Variants in BNC2 observed in about 807,000 individuals in gnomAD.
BNC2 encodes basonuclin zinc finger protein 2, also known as zinc finger protein basonuclin-2.
A neutral mutation model predicts 76.3 loss-of-function variants in BNC2; 20 were observed. That is an observed-to-expected ratio of 0.26 (90% CI 0.18 to 0.38). BNC2 has a LOEUF of 0.38. Among genes scored for constraint, BNC2 ranks in the 10% least tolerant of loss-of-function variants. The pLI is 1.00. For missense variants in BNC2, 1,382 were observed against 1,399.8 expected, an observed-to-expected ratio of 0.99 and a Z score of 0.20; for synonymous variants, 582 against 514.8, an observed-to-expected ratio of 1.13 and a Z score of -1.77.
At chr9:16,703,700 T>C (rs1385088813) in intron 3 of BNC2, among the ~76,000 whole-genome samples, 1 of 152,186 alleles carries the variant, frequency 6.6e-6, no homozygotes, top group South Asian at 2.1e-4. Context: ...ATCATTGTTT[T>C]ATAAGATATA....
At chr9:16,593,338 T>A (rs1819983952) in intron 3 of BNC2, among the ~76,000 whole-genome samples, 1 of 152,082 alleles carries the variant, frequency 6.6e-6, no homozygotes, top group Non-Finnish European at 1.5e-5. Flanking sequence ...GCATATAAAT[T>A]TTCCCAGACA....
chr9:16,839,571 C>T (rs915170403), intron 1 of BNC2, among the ~76,000 whole-genome samples: 3 of 152,088 alleles, frequency 2.0e-5, no homozygotes, highest in African/African-American at 4.8e-5. Context: ...AGAAGAGAAC[C>T]CCATGCAAGT....
chr9:16,765,882 G>C (rs897929947), intron 1 of BNC2, among the ~76,000 whole-genome samples: 2 of 151,906 alleles, frequency 1.3e-5, no homozygotes, highest in Non-Finnish European at 2.9e-5. Context: ...TGCCTCCCGG[G>C]TTCACGCCAT....
intron 5 of BNC2, among the ~76,000 whole-genome samples, chr9:16,540,442 C>T (rs370204750): frequency 2.6e-5 from 4 of 152,032 alleles, no homozygotes; most frequent in African/African-American, 9.7e-5. Flanking sequence ...TACGTCAATA[C>T]GCATATTACA....
At chr9:16,435,385 G>A (rs897589295) in intron 6 of BNC2, among the ~76,000 whole-genome samples, 170 bp downstream of exon 6, 31 of 152,088 alleles carry the variant, frequency 2.0e-4, no homozygotes, top group Admixed American at 9.8e-4. Context: ...AGCACCAACT[G>A]CAACAATCCT....
intron 5 of BNC2, among the ~76,000 whole-genome samples, chr9:16,517,822 G>A (rs1184467070): frequency 6.6e-6 from 1 of 152,000 alleles, no homozygotes; most frequent in Admixed American, 6.6e-5. Context: ...CTAAAGCAGG[G>A]TGGACAAGTC....
chr9:16,758,215 G>A (rs1406560769), intron 1 of BNC2, among the ~76,000 whole-genome samples: 4 of 152,054 alleles, frequency 2.6e-5, no homozygotes, highest in East Asian at 1.9e-4. Context: ...ATCTCTCTCT[G>A]ACCACAGCTG....
chr9:16,499,154 G>A (rs976016178), intron 5 of BNC2, among the ~76,000 whole-genome samples: 1 of 152,098 alleles, frequency 6.6e-6, no homozygotes, highest in African/African-American at 2.4e-5. Flanking sequence ...TGGGCATCAT[G>A]CCAAGGACTT....
intron 1 of BNC2, among the ~76,000 whole-genome samples, chr9:16,811,552 CAAAAAAAAAAAA>C (rs1179927173): frequency 1.9e-4 from 11 of 58,054 alleles, no homozygotes; most frequent in African/African-American, 8.2e-4. Context: ...AACTCCATCT[CAAAAAAAAAAAA>C]AAAAAAAAAA....
intron 5 of BNC2, among the ~76,000 whole-genome samples, chr9:16,457,643 A>C (rs1821483527): frequency 6.6e-6 from 1 of 152,214 alleles, no homozygotes; most frequent in African/African-American, 2.4e-5. Flanking sequence ...TCACGTAGGC[A>C]TGCTTTGCCT....
At chr9:16,806,000 G>C (rs1010134755) in intron 1 of BNC2, among the ~76,000 whole-genome samples, 1 of 152,144 alleles carries the variant, frequency 6.6e-6, no homozygotes, top group Non-Finnish European at 1.5e-5. Flanking sequence ...CCCCAATGAA[G>C]CAGAGAGAAG....
chr9:16,801,995 C>G (rs1345928795), intron 1 of BNC2, among the ~76,000 whole-genome samples: 2 of 151,604 alleles, frequency 1.3e-5, no homozygotes, highest in Non-Finnish European at 1.5e-5. Context: ...CAGTCCACAG[C>G]TAATGCATCA....
chr9:16,773,600 A>C (rs180942081), intron 1 of BNC2, among the ~76,000 whole-genome samples: 16 of 152,090 alleles, frequency 1.1e-4, no homozygotes, highest in African/African-American at 3.6e-4. Context: ...TGAAATTCCA[A>C]CTCACATTGA....
intron 1 of BNC2, among the ~76,000 whole-genome samples, chr9:16,826,054 CT>C (rs1473547040): frequency 1.3e-5 from 2 of 152,142 alleles, no homozygotes; most frequent in African/African-American, 4.8e-5. Flanking sequence ...CACAAATCCC[CT>C]GATGGAACTG....
intron 1 of BNC2, among the ~76,000 whole-genome samples, chr9:16,800,224 C>CAA (rs61387643): frequency 0.016 from 2,253 of 143,578 alleles, 31 homozygotes; most frequent in African/African-American, 0.025. Flanking sequence ...GACTCCATCT[C>CAA]AAAAAAAAAA....
intron 1 of BNC2, among the ~76,000 whole-genome samples, chr9:16,834,918 T>C (rs1018233670): frequency 1.3e-5 from 2 of 152,152 alleles, no homozygotes; most frequent in Non-Finnish European, 2.9e-5. Flanking sequence ...TTCAGCAGTC[T>C]CCCCTGTGTA....
At chr9:16,676,954 G>C (rs1027790704) in intron 3 of BNC2, among the ~76,000 whole-genome samples, 2 of 152,110 alleles carry the variant, frequency 1.3e-5, no homozygotes, top group Non-Finnish European at 2.9e-5. Flanking sequence ...AAGATAAAAA[G>C]AAAAACATAG....
At chr9:16,563,693 A>G (rs1819081496) in intron 4 of BNC2, among the ~76,000 whole-genome samples, 1 of 152,232 alleles carries the variant, frequency 6.6e-6, no homozygotes, top group Admixed American at 6.5e-5. Context: ...ATGTGAACAG[A>G]TGTCTCAGCA....
At chr9:16,675,342 C>T (rs570647951) in intron 3 of BNC2, among the ~76,000 whole-genome samples, 1 of 152,210 alleles carries the variant, frequency 6.6e-6, no homozygotes, top group Admixed American at 6.5e-5. Context: ...ACAACCTCTG[C>T]CTCCGGGCTC....
Sources: gnomAD v4.1 joint callset for allele counts (sites outside exome capture counted in the v4.1 genomes callset) on GRCh38, gnomAD v4.1.1 for gene constraint, MANE v1.5 for transcripts, NCBI Gene and HGNC (gene_info 2026-07-23, HGNC 2026-07-21) for gene names.